Variants in FAT4 observed in about 807,000 individuals in gnomAD.
FAT4 encodes protocadherin Fat 4.
In FAT4, 84 loss-of-function variants were observed where a neutral mutation model predicts 303.9. The observed-to-expected ratio is 0.28, with a 90% CI of 0.23 to 0.33. The LOEUF is 0.33. Ranked by LOEUF, FAT4 falls within the 10% of genes least tolerant of loss-of-function variation. The pLI is 1.00. For missense variants in FAT4, 6,005 were observed against 6,146.8 expected, an observed-to-expected ratio of 0.98 and a Z score of 0.77; for synonymous variants, 2,307 against 2,298.8, an observed-to-expected ratio of 1.00 and a Z score of -0.10.
In FAT4 at chr4:125,490,520, G is replaced by A; in HGVS notation, c.13704G>A (p.Gly4568=). ...FDDPDNIPPY[G]DDMTVRKQPE... The stretch of plus-strand genomic sequence containing the variant: ...ACCCTGACAATATCCCTCCCTATGG[G>A]GATGACATGACTGTGAGGAAGCAGC... Residue 4568 remains glycine, a synonymous_variant, in exon 18 of 18, where the codon GGG becomes GGA. Coordinates refer to ENST00000394329, the MANE Select transcript of FAT4 (RefSeq NM_001291303.3). The A allele has an allele frequency of 2.5e-6, 4 of 1,614,056 alleles. No individual in the cohort carries two copies. Among genetic ancestry groups the A allele is most frequent in the East Asian group, 2.2e-5 (1 of 44,858 alleles).
At position 125,451,240 on chromosome 4, in the gene FAT4, C is replaced by T; in HGVS notation, c.10230C>T (p.Ile3410=). ...ACCCACCCATTTTTACTCTAAACATCTACAGTGTGCAGATCAGTGAAGGGG... is the reference window on the plus strand; with the variant it reads ...ACCCACCCATTTTTACTCTAAACATTTACAGTGTGCAGATCAGTGAAGGGG... ...ANDPPIFTLN[I]YSVQISEGVP... The change falls in exon 10 of 18, where the codon ATC becomes ATT. Residue 3410 remains isoleucine (I), a synonymous_variant. Coordinates refer to ENST00000394329, the MANE Select transcript of FAT4 (RefSeq NM_001291303.3). 4 of 1,614,104 alleles carry T rather than the reference C, an allele frequency of 2.5e-6. No individual in the cohort carries two copies. Among genetic ancestry groups the T allele is most frequent in the Non-Finnish European group, 2.5e-6 (3 of 1,180,020 alleles).
chr4:125,415,012 G>A lies in FAT4; in HGVS notation c.6049G>A (p.Val2017Ile). The A allele has an allele frequency of 6.2e-7, 1 of 1,613,978 alleles. No homozygotes were observed. Among genetic ancestry groups the A allele is most frequent in the East Asian group, 2.2e-5 (1 of 44,860 alleles). Reference sequence around the variant, plus strand: ...GGAAAGTCAGTCCTTCTACAACTTGGTTGTTCAAGTGCATGACCTGCCACA... The same window carrying A: ...GGAAAGTCAGTCCTTCTACAACTTGATTGTTCAAGTGCATGACCTGCCACA... ...DRESQSFYNL[V>I]VQVHDLPQIP... Residue 2017 changes from valine (V) to isoleucine (I), a missense_variant, in exon 6 of 18, where the codon GTT (valine) becomes ATT (isoleucine). Transcript: ENST00000394329.
intron 2 of FAT4, among the ~76,000 whole-genome samples, chr4:125,352,818 G>A (rs1450774521): frequency 2.0e-5 from 3 of 151,584 alleles, no homozygotes; most frequent in Non-Finnish European, 4.4e-5. Context: ...TGCAGCCTTG[G>A]CTTTAAAAGA....
Position 125,463,608 on chromosome 4 carries a change from G to A in FAT4, c.11846G>A (p.Cys3949Tyr). The A allele has an allele frequency of 6.2e-7, 1 of 1,602,442 alleles. No homozygotes were observed. The highest frequency in any genetic ancestry group is 1.7e-4 in the Middle Eastern group (1 of 6,016). Reference protein sequence around the residue: ...SSVNYCECNPCFNGGSCQSGV... With the variant: ...SSVNYCECNPYFNGGSCQSGV... ...GTCAATTACTGTGAATGCAACCCCT[G>A]CTTTAATGGTGGTTCCTGCCAAAGT... is the stretch of plus-strand genomic sequence containing the variant. Residue 3949 changes from cysteine (C) to tyrosine (Y), a missense_variant, in exon 11 of 18, where the codon TGC becomes TAC. Physicochemically the swap from Cys to Tyr is radical, Grantham distance 194 (BLOSUM62 -2). Transcript: ENST00000394329.
chr4:125,415,038 G>A lies in FAT4; in HGVS notation c.6075G>A (p.Gln2025=), dbSNP rs1345266122. 5.6e-6 allele frequency: 9 copies of A among 1,613,964 alleles called. No homozygotes were observed. Among genetic ancestry groups the A allele is most frequent in the Non-Finnish European group, 7.6e-6 (9 of 1,179,982 alleles). ...TTGTTCAAGTGCATGACCTGCCACAGATTCCAGCCTCCAGATTCACAAGCA... is the reference window on the plus strand; with the variant it reads ...TTGTTCAAGTGCATGACCTGCCACAAATTCCAGCCTCCAGATTCACAAGCA... ...NLVVQVHDLP[Q]IPASRFTSTA... Residue 2025 remains glutamine (Q), a synonymous_variant, in exon 6 of 18, where the codon CAG becomes CAA. Coordinates refer to ENST00000394329, the MANE Select transcript of FAT4 (RefSeq NM_001291303.3).
At chr4:125,407,668 AT>A (rs1734670787) in intron 4 of FAT4, among the ~76,000 whole-genome samples, 1 of 152,142 alleles carries the variant, frequency 6.6e-6, no homozygotes, top group Non-Finnish European at 1.5e-5. Context: ...GGGCTTGGGT[AT>A]TAGCAAATGC....
At position 125,372,898 on chromosome 4, in the gene FAT4, A is replaced by G. The variant is rs192629117; in HGVS notation, c.5176-25886A>G. ...AGTGGAAAACCCATGTTTTTAATTT[A>G]GAATTTAATACTAACAGTCTATGCT... On this transcript the variant is annotated intron_variant, in intron 2 of 17. Transcript: ENST00000394329. Among the ~76,000 whole-genome samples, 548 of 152,332 alleles carry G rather than the reference A, an allele frequency of 3.6e-3. 2 individuals carry two copies. Among genetic ancestry groups the G allele is most frequent in the Non-Finnish European group, 5.5e-3 (372 of 68,006 alleles).
Position 125,489,952 on chromosome 4 carries a change from C to T in FAT4, c.13136C>T (p.Pro4379Leu). The T allele has an allele frequency of 1.3e-6, 2 of 1,589,598 alleles. No individual in the cohort carries two copies. The highest frequency in any genetic ancestry group is 1.7e-6 in the Non-Finnish European group (2 of 1,168,722). Reference protein sequence around the residue: ...ASMWYGGESLPFSGKHSLASI... With the variant: ...ASMWYGGESLLFSGKHSLASI... The stretch of plus-strand genomic sequence containing the variant: ...ATGTGGTATGGTGGAGAAAGTCTTC[C>T]TTTCAGCGGGAAGCATAGCTTGGCC... The change falls in exon 18 of 18, where the codon CCT becomes CTT. Residue 4379 changes from proline (P) to leucine (L), a missense_variant. Pro to Leu is a moderately conservative substitution (Grantham distance 98). Coordinates refer to ENST00000394329, the MANE Select transcript of FAT4 (RefSeq NM_001291303.3).
intron 11 of FAT4, among the ~76,000 whole-genome samples, chr4:125,464,211 A>C (rs1726579004): frequency 6.6e-6 from 1 of 152,184 alleles, no homozygotes; most frequent in Admixed American, 6.5e-5. Context: ...TGACTAATAA[A>C]ATTTCAGACT....
intron 2 of FAT4, among the ~76,000 whole-genome samples, chr4:125,334,827 T>A (rs1029943923): frequency 7.2e-5 from 11 of 152,178 alleles, no homozygotes; most frequent in Non-Finnish European, 1.0e-4. Context: ...CTCTTTTTTT[T>A]AAGATAGTAC....
intron 16 of FAT4, 120 bp from the exon 17 acceptor site, chr4:125,487,225 A>G: frequency 1.2e-6 from 1 of 800,570 alleles, no homozygotes; most frequent in Non-Finnish European, 1.9e-6. Flanking sequence ...TAATACAACC[A>G]GATTCTTCAG....
chr4:125,387,347 A>G (rs1476865768), intron 2 of FAT4, among the ~76,000 whole-genome samples: 3 of 152,184 alleles, frequency 2.0e-5, no homozygotes, highest in Non-Finnish European at 2.9e-5. Context: ...CCATAAAAGA[A>G]CTATAGCCAA....
chr4:125,417,420 T>C (rs868740039), intron 7 of FAT4, among the ~76,000 whole-genome samples: 1 of 152,112 alleles, frequency 6.6e-6, no homozygotes, highest in South Asian at 2.1e-4. Flanking sequence ...GGAGCCAAAC[T>C]ATAAGTTCCT....
chr4:125,466,426 A>C (rs2126074018), intron 11 of FAT4, among the ~76,000 whole-genome samples: 1 of 151,976 alleles, frequency 6.6e-6, no homozygotes, highest in African/African-American at 2.4e-5. Flanking sequence ...GTGAACACAT[A>C]ATACAAATTT....
chr4:125,466,524 A>G (rs1726666501), intron 11 of FAT4, among the ~76,000 whole-genome samples: 1 of 151,334 alleles, frequency 6.6e-6, no homozygotes, highest in Non-Finnish European at 1.5e-5. Flanking sequence ...TAGCATATTT[A>G]TATACAAATT....
chr4:125,368,445 T>C (rs558206714), intron 2 of FAT4, among the ~76,000 whole-genome samples: 1 of 149,898 alleles, frequency 6.7e-6, no homozygotes, highest in Non-Finnish European at 1.5e-5. Context: ...GGTAAAGTCT[T>C]TGGAGGGAAG....
chr4:125,379,579 A>G (rs1394910027), intron 2 of FAT4, among the ~76,000 whole-genome samples: 1 of 151,706 alleles, frequency 6.6e-6, no homozygotes, highest in Non-Finnish European at 1.5e-5. Context: ...TTTGCCTCAG[A>G]CTACCCAGTA....
intron 8 of FAT4, among the ~76,000 whole-genome samples, chr4:125,435,136 A>C (rs1725409334): frequency 6.6e-6 from 1 of 152,178 alleles, no homozygotes; most frequent in Non-Finnish European, 1.5e-5. Context: ...TCATTTAGTA[A>C]ATGTATTTTA....
chr4:125,327,348 A>G (rs953235271), intron 2 of FAT4, among the ~76,000 whole-genome samples: 4 of 152,288 alleles, frequency 2.6e-5, no homozygotes, highest in South Asian at 2.1e-4. Context: ...TAGGTGATAA[A>G]TCATCTTCTT....
Sources: gnomAD v4.1 joint callset for allele counts (sites outside exome capture counted in the v4.1 genomes callset) on GRCh38, gnomAD v4.1.1 for gene constraint, MANE v1.5 for transcripts, NCBI Gene and HGNC (gene_info 2026-07-23, HGNC 2026-07-21) for gene names.